CETN2: variants seen among roughly 807,000 people sequenced by gnomAD.
The protein encoded by CETN2 is centrin-2.
In CETN2, 2 loss-of-function variants were observed where a neutral mutation model predicts 12.6. The observed-to-expected ratio is 0.16, with a 90% CI of 0.07 to 0.50. CETN2 has a LOEUF of 0.50. CETN2 is among the 20% of genes least tolerant of loss of function. The pLI is 0.96. For synonymous variants in CETN2, 41 were observed against 43.4 expected (o/e 0.94, Z 0.22); for missense variants, 81 against 128.3 (o/e 0.63, Z 1.78).
At chrX:152,829,962 TG>T (rs1556843131) in intron 1 of CETN2, among the ~76,000 whole-genome samples, 1 of 112,062 alleles carries the variant, frequency 8.9e-6, no homozygotes, top group Admixed American at 9.4e-5. Flanking sequence ...TTTTCTTTAC[TG>T]TTGTTTCTAG....
At position 152,828,849 on chromosome X, in the gene CETN2, C is replaced by T. The variant is rs782757548; in HGVS notation, c.292-175G>A. On this transcript the variant is annotated intron_variant, in intron 3 of 4. Coordinates refer to ENST00000370277, the MANE Select transcript of CETN2 (RefSeq NM_004344.3). The stretch of plus-strand genomic sequence containing the variant: ...ATTTTGGCCTCAAAGAAACACCAGG[C>T]AAGCCAGGCACTCCATCCAAGGTGA... The T allele has an allele frequency of 2.7e-4, 129 of 473,274 alleles. No individual in the cohort carries two copies. The South Asian group carries it at 4.6e-3, about 17-fold the overall frequency. The allele number at this position is 473,274 out of a possible 1,213,427, so 39.0% of individuals were successfully genotyped here.
Position 152,830,709 on chromosome X carries a change from ATAG to A in CETN2, c.-2_1del. The A allele has an allele frequency of 8.5e-7, 1 of 1,178,705 alleles. No individual in the cohort carries two copies. ...GCGCGACAGAGCGGCAGCACTCACC[ATAG>A]CCAAAGGAGTCCGCTGCCGGTTGTT... On this transcript the variant is annotated start_lost and splice_region_variant and 5_prime_UTR_variant, in exon 1 of 5. Transcript: ENST00000370277.
chrX:152,827,727 G>A lies in CETN2; in HGVS notation c.*114C>T, dbSNP rs1209284500. 6.6e-6 allele frequency: 4 copies of A among 605,362 alleles called. No individual in the cohort carries two copies. Among genetic ancestry groups the A allele is most frequent in the Non-Finnish European group, 8.1e-6 (3 of 368,222 alleles). The allele number at this position is 605,362 out of a possible 1,213,427, so 49.9% of individuals were successfully genotyped here. ...ATAGGCTCAAGGTCACTATTAAAGTGATAAAGGGAGGTCCGTGGGGGAAAA... is the reference window on the plus strand; with the variant it reads ...ATAGGCTCAAGGTCACTATTAAAGTAATAAAGGGAGGTCCGTGGGGGAAAA... On this transcript the variant is annotated 3_prime_UTR_variant, in exon 5 of 5. Transcript: ENST00000370277.
In CETN2 at chrX:152,828,567, C is replaced by T; in HGVS notation, c.399G>A (p.Leu133=). Residue 133 remains leucine, a synonymous_variant, in exon 4 of 5, where the codon TTG becomes TTA. Transcript: ENST00000370277. ...FKNLKRVAKE[L]GENLTDEELQ... is the part of the protein sequence containing the mutation. ...GCTCCTCATCAGTCAGGTTCTCACC[C>T]AACTCCTTGGCCACGCGTTTCAGAT... The T allele has an allele frequency of 1.7e-6, 2 of 1,211,557 alleles. No individual in the cohort carries two copies. The highest frequency in any genetic ancestry group is 2.2e-6 in the Non-Finnish European group (2 of 895,277).
chrX:152,830,725 G>A lies in CETN2; in HGVS notation c.-15C>T. The A allele has an allele frequency of 8.5e-7, 1 of 1,170,046 alleles. No individual in the cohort carries two copies. The highest frequency in any genetic ancestry group is 1.1e-6 in the Non-Finnish European group (1 of 874,600). ...GCACTCACCATAGCCAAAGGAGTCC[G>A]CTGCCGGTTGTTAGGCAACCGACGT... On this transcript the variant is annotated 5_prime_UTR_variant, in exon 1 of 5. Coordinates refer to ENST00000370277, the MANE Select transcript of CETN2 (RefSeq NM_004344.3).
chrX:152,828,893 A>G (rs926220731), intron 3 of CETN2: 1 of 438,984 alleles, frequency 2.3e-6, no homozygotes. Context: ...ACCTATCGCT[A>G]TATCTCTCCC....
intron 3 of CETN2, 123 bp from the exon 4 acceptor site, chrX:152,828,797 A>G (rs1932974497): frequency 2.8e-6 from 2 of 713,681 alleles, no homozygotes; most frequent in Non-Finnish European, 4.0e-6. Flanking sequence ...ACTCGAGTCT[A>G]GACTTGCGGC....
At chrX:152,829,818 T>A in intron 1 of CETN2, 58 bp from the exon 2 acceptor site, 2 of 940,605 alleles carry the variant, frequency 2.1e-6, no homozygotes, top group Non-Finnish European at 2.9e-6. Context: ...CATATTTACA[T>A]AACATAGTTA....
chrX:152,827,749 A>G lies in CETN2; in HGVS notation c.*92T>C. The G allele has an allele frequency of 1.3e-6, 1 of 768,959 alleles. No homozygotes were observed. The highest frequency in any genetic ancestry group is 2.4e-5 in the Admixed American group (1 of 40,828). 63.4% of individuals were successfully genotyped at this position (768,959 alleles called of 1,213,427 possible). A position where few individuals can be genotyped will look rare whatever the true frequency, so the allele number is the denominator to read the frequency against. On this transcript the variant is annotated 3_prime_UTR_variant, in exon 5 of 5. Transcript: ENST00000370277. Reference sequence around the variant, plus strand: ...AGTGATAAAGGGAGGTCCGTGGGGGAAAAGTTTGTGTTCTCAAAAGCCAGA... The same window carrying G: ...AGTGATAAAGGGAGGTCCGTGGGGGGAAAGTTTGTGTTCTCAAAAGCCAGA...
rs1443647956 is a variant in CETN2, at chrX:152,827,811, T to C, written c.*30A>G. The C allele has an allele frequency of 8.8e-7, 1 of 1,141,249 alleles. No individual in the cohort carries two copies. The highest frequency in any genetic ancestry group is 1.2e-6 in the Non-Finnish European group (1 of 834,354). 94.1% of individuals were successfully genotyped at this position (1,141,249 alleles called of 1,213,427 possible). ...GGCAGGCACTAAATCTAGTTACATG[T>C]GCTTGCAGTAGAAAAAGAAGACACT... On this transcript the variant is annotated 3_prime_UTR_variant, in exon 5 of 5. Transcript: ENST00000370277.
At position 152,829,718 on chromosome X, in the gene CETN2, G is replaced by T. The variant is rs782168993; in HGVS notation, c.46C>A (p.Arg16=). The change falls in exon 2 of 5, where the codon CGA becomes AGA. Residue 16 remains arginine (R), a synonymous_variant. Transcript: ENST00000370277. ...KKANMASSSQ[R]KRMSPKPELT... ...TCAGGCTTAGGGCTCATTCTTTTTC[G>T]CTGAGAACTTGATGCCATGTTTGCC... The T allele has an allele frequency of 8.3e-7, 1 of 1,203,951 alleles. No homozygotes were observed. Among genetic ancestry groups the T allele is most frequent in the Non-Finnish European group, 1.1e-6 (1 of 890,462 alleles).
Position 152,828,517 on chromosome X carries a change from C to T in CETN2, c.429+20G>A. ...GCTCAAAGGTGGGAATTTTAAGTTCCAGTGTGATGCATTACAAACCTGCAG... is the reference window on the plus strand; with the variant it reads ...GCTCAAAGGTGGGAATTTTAAGTTCTAGTGTGATGCATTACAAACCTGCAG... On this transcript the variant is annotated intron_variant, in intron 4 of 4. Transcript: ENST00000370277. The T allele has an allele frequency of 1.7e-6, 2 of 1,197,529 alleles. No homozygotes were observed. Among genetic ancestry groups the T allele is most frequent in the East Asian group, 3.0e-5 (1 of 33,661 alleles).
At position 152,830,698 on chromosome X, in the gene CETN2, C is replaced by G. The variant is rs199900984; in HGVS notation, c.3+10G>C. ...CTGGGCGTGGGGCGCGACAGAGCGG[C>G]AGCACTCACCATAGCCAAAGGAGTC... is the stretch of plus-strand genomic sequence containing the variant. On this transcript the variant is annotated intron_variant, in intron 1 of 4. Transcript: ENST00000370277. 30 of 1,178,189 alleles carry G rather than the reference C, an allele frequency of 2.5e-5. No individual in the cohort carries two copies. The East Asian group carries it at 6.3e-4, about 25-fold the overall frequency.
rs1556842760 is a variant in CETN2, at chrX:152,827,651, G to A, written c.*190C>T. The A allele has an allele frequency of 8.4e-6, 3 of 356,257 alleles. No homozygotes were observed. The highest frequency in any genetic ancestry group is 9.8e-6 in the Non-Finnish European group (2 of 203,473). 29.4% of individuals were successfully genotyped at this position (356,257 alleles called of 1,213,427 possible). On this transcript the variant is annotated 3_prime_UTR_variant, in exon 5 of 5. Coordinates refer to ENST00000370277, the MANE Select transcript of CETN2 (RefSeq NM_004344.3). Reference sequence around the variant, plus strand: ...CTTTTGAGAATTAGGGTAATTCGCAGGTCATTTTACAAAGAACTGTAATAT... The same window carrying A: ...CTTTTGAGAATTAGGGTAATTCGCAAGTCATTTTACAAAGAACTGTAATAT...
At chrX:152,830,367 T>C (rs907916312) in intron 1 of CETN2, among the ~76,000 whole-genome samples, 6 of 113,336 alleles carry the variant, frequency 5.3e-5, no homozygotes, top group African/African-American at 1.9e-4. Context: ...TGTGGAAATT[T>C]TGGCAGAATG....
At position 152,827,739 on chromosome X, in the gene CETN2, T is replaced by G; in HGVS notation, c.*102A>C. ...TCACTATTAAAGTGATAAAGGGAGG[T>G]CCGTGGGGGAAAAGTTTGTGTTCTC... On this transcript the variant is annotated 3_prime_UTR_variant, in exon 5 of 5. Transcript: ENST00000370277. 1.5e-6 allele frequency: 1 copy of G among 668,570 alleles called. No homozygotes were observed. The highest frequency in any genetic ancestry group is 2.4e-6 in the Non-Finnish European group (1 of 419,039). 55.1% of individuals were successfully genotyped at this position (668,570 alleles called of 1,213,427 possible).
chrX:152,829,524 G>A (rs1392279447), intron 2 of CETN2, 78 bp downstream of exon 2: 1 of 1,073,752 alleles, frequency 9.3e-7, no homozygotes, highest in Non-Finnish European at 1.2e-6. Context: ...GGCAAAAGGG[G>A]TAGAGAGGTG....
In CETN2 at chrX:152,827,742, G is replaced by A. The variant is rs1253238250; in HGVS notation, c.*99C>T. ...CTATTAAAGTGATAAAGGGAGGTCC[G>A]TGGGGGAAAAGTTTGTGTTCTCAAA... On this transcript the variant is annotated 3_prime_UTR_variant, in exon 5 of 5. Transcript: ENST00000370277. 1.7e-5 allele frequency: 12 copies of A among 708,712 alleles called. No homozygotes were observed. Among genetic ancestry groups the A allele is most frequent in the East Asian group, 3.2e-5 (1 of 31,241 alleles). The allele number at this position is 708,712 out of a possible 1,213,427, so 58.4% of individuals were successfully genotyped here.
At position 152,830,658 on chromosome X, in the gene CETN2, G is replaced by C. The variant is rs1361368667; in HGVS notation, c.3+50C>G. 1.3e-5 allele frequency: 15 copies of C among 1,164,231 alleles called. No homozygotes were observed. The African/African-American group carries it at 2.3e-4, about 18-fold the overall frequency. ...GGCGGCGTGGCCGAGCTGGGGCCTG[G>C]GAAGGGCTCAGCCGCTGGGCGTGGG... On this transcript the variant is annotated intron_variant, in intron 1 of 4. Transcript: ENST00000370277.
Sources: gnomAD v4.1 joint callset for allele counts (sites outside exome capture counted in the v4.1 genomes callset) on GRCh38, gnomAD v4.1.1 for gene constraint, MANE v1.5 for transcripts, NCBI Gene and HGNC (gene_info 2026-07-23, HGNC 2026-07-21) for gene names.